ETAA1: variants seen among roughly 807,000 people sequenced by gnomAD.
ETAA1 encodes ewing's tumor-associated antigen 1.
A neutral mutation model predicts 76.8 loss-of-function variants in ETAA1; 49 were observed. The observed-to-expected ratio is 0.64, with a 90% confidence interval of 0.51 to 0.81. The LOEUF (loss-of-function observed/expected upper bound fraction) is 0.81. ETAA1 is among the 30% of genes least tolerant of loss of function. The pLI is 0.00. For missense variants in ETAA1, 1,099 were observed against 1,074.0 expected (o/e 1.02, Z -0.32); for synonymous variants, 373 against 372.2 (o/e 1.00, Z -0.03).
At chr2:67,400,906 G>A (rs1231731660) in intron 3 of ETAA1, 2 of 152,112 alleles carry the variant, frequency 1.3e-5, no homozygotes, top group Admixed American at 1.3e-4. Context: ...TTTTTAGCAT[G>A]TCATAGAAAT....
intron 3 of ETAA1, 26 bp from the exon 4 acceptor site, chr2:67,402,836 C>CTTAAA: frequency 1.3e-6 from 2 of 1,514,692 alleles, no homozygotes; most frequent in Non-Finnish European, 1.8e-6. Flanking sequence ...GTACTTTATA[C>CTTAAA]CTCTTTTTTT....
At chr2:67,400,628 T>C (rs1258583088) in intron 3 of ETAA1, 3 of 152,206 alleles carry the variant, frequency 2.0e-5, no homozygotes, top group Admixed American at 2.0e-4. Context: ...TTGTTCTCTT[T>C]TTCTTATTTA....
rs1676151945 is a variant in ETAA1 at position 67,404,639 on chromosome 2, C to G, written c.1957C>G (p.Gln653Glu). 2 of 1,612,652 alleles carry G rather than the reference C, an allele frequency of 1.2e-6. No individual in the cohort carries two copies. The highest frequency in any genetic ancestry group is 2.2e-5 in the East Asian group (1 of 44,804). Residue 653 changes from glutamine (Q) to glutamate (E), a missense_variant, in exon 5 of 6, where the codon CAA becomes GAA. Physicochemically the swap from Gln to Glu is conservative, Grantham distance 29. Around this residue, in one of 3 missense-constraint regions of ETAA1, gnomAD observed 36 missense variants for 64.0 expected, o/e 0.56. Transcript: ENST00000272342. Reference sequence around the variant, plus strand: ...ACATGGAGCCAAACTAACTCAGCAACAAGACATTAGAAAGGACAGTAAGAC... The same window carrying G: ...ACATGGAGCCAAACTAACTCAGCAAGAAGACATTAGAAAGGACAGTAAGAC... ...SEHGAKLTQQ[Q>E]DIRKDSKTSE...
Position 67,404,495 on chromosome 2 carries a change from G to A in ETAA1, c.1813G>A (p.Val605Ile). Residue 605 changes from valine to isoleucine, a missense_variant, in exon 5 of 6, where the codon GTA becomes ATA. Physicochemically the swap from Val to Ile is conservative, Grantham distance 29. This residue lies in a region of ETAA1 where 761 missense variants were observed against 731.9 expected (regional missense o/e 1.04). Coordinates refer to ENST00000272342, the MANE Select transcript of ETAA1 (RefSeq NM_019002.4). Reference protein sequence around the residue: ...QLDNTWEADDVDDDLLYQACD... With the variant: ...QLDNTWEADDIDDDLLYQACD... ...AGATAATACCTGGGAAGCAGATGAT[G>A]TAGATGATGATTTGTTGTACCAAGC... 4 of 1,613,310 alleles carry A rather than the reference G, an allele frequency of 2.5e-6. No individual in the cohort carries two copies. Among genetic ancestry groups the A allele is most frequent in the Non-Finnish European group, 2.5e-6 (3 of 1,179,536 alleles).
chr2:67,398,684 C>T (rs982769399), intron 1 of ETAA1, among the ~76,000 whole-genome samples: 2 of 152,078 alleles, frequency 1.3e-5, no homozygotes, highest in African/African-American at 2.4e-5. Context: ...GAACAAAAAT[C>T]TTTATAAAAA....
chr2:67,404,736 A>G lies in ETAA1; in HGVS notation c.2054A>G (p.Gln685Arg), dbSNP rs375017735. Residue 685 changes from glutamine (Q) to arginine (R), a missense_variant, in exon 5 of 6, where the codon CAA (glutamine) becomes CGA (arginine). Transcript: ENST00000272342. ...AAAAACATGTTTGCTATATCTAAACAAGGAAGTAATTTGGTACAATCAAAG... is the reference window on the plus strand; with the variant it reads ...AAAAACATGTTTGCTATATCTAAACGAGGAAGTAATTTGGTACAATCAAAG... ...GAKNMFAISK[Q>R]GSNLVQSKHL... 1.1e-5 allele frequency: 18 copies of G among 1,613,342 alleles called. No individual in the cohort carries two copies. In the African/African-American group the frequency reaches 2.0e-4, roughly 18 times the overall value.
Position 67,412,039 on chromosome 2 carries a change from A to G in ETAA1, c.*2001A>G, listed in dbSNP as rs1381240721. The G allele has an allele frequency of 2.0e-5, 3 of 151,896 alleles. No individual in the cohort carries two copies. The highest frequency in any genetic ancestry group is 4.4e-5 in the Non-Finnish European group (3 of 67,982). The allele number at this position is 151,896 out of a possible 1,614,324, so 9.4% of individuals were successfully genotyped here. On this transcript the variant is annotated 3_prime_UTR_variant, in exon 6 of 6. Transcript: ENST00000272342. ...GCTTCTCTCTGATCATAATGGTACT[A>G]ATTATTGTGTCTTTCATTGAGCAAT...
At chr2:67,399,406 T>G in intron 2 of ETAA1, 109 bp downstream of exon 2, 1 of 1,166,168 alleles carries the variant, frequency 8.6e-7, no homozygotes, top group Non-Finnish European at 1.2e-6. Context: ...GAATGTTATA[T>G]GATTTTATCT....
At chr2:67,398,083 C>T (rs1384811981) in intron 1 of ETAA1, among the ~76,000 whole-genome samples, 1 of 152,042 alleles carries the variant, frequency 6.6e-6, no homozygotes, top group Non-Finnish European at 1.5e-5. Flanking sequence ...GAGAAGAGTT[C>T]ATAGGAAAAG....
At chr2:67,408,322 G>T (rs1676273503) in intron 5 of ETAA1, among the ~76,000 whole-genome samples, 2 of 152,070 alleles carry the variant, frequency 1.3e-5, no homozygotes, top group South Asian at 2.1e-4. Flanking sequence ...ATTTTAAATG[G>T]TTGGAAAAAA....
chr2:67,397,676 G>C lies in ETAA1; in HGVS notation c.223+5G>C. ...GCAGTAAAAGTAACCCCGAGGGTGA[G>C]ACGTCGGCAGCGCGGCCTGCCTTGG... On this transcript the variant is annotated splice_donor_5th_base_variant and intron_variant, in intron 1 of 5. Coordinates refer to ENST00000272342, the MANE Select transcript of ETAA1 (RefSeq NM_019002.4). The C allele has an allele frequency of 6.5e-7, 1 of 1,545,280 alleles. No homozygotes were observed. The highest frequency in any genetic ancestry group is 8.7e-7 in the Non-Finnish European group (1 of 1,146,480).
rs762197207 is a variant in ETAA1, at chr2:67,404,186, A to G, written c.1504A>G (p.Asn502Asp). The G allele has an allele frequency of 2.5e-6, 4 of 1,609,212 alleles. No individual in the cohort carries two copies. Among genetic ancestry groups the G allele is most frequent in the East Asian group, 4.5e-5 (2 of 44,742 alleles). Reference protein sequence around the residue: ...DEIQNCIVTSNLTKIKEDILT... With the variant: ...DEIQNCIVTSDLTKIKEDILT... ...AATTCAAAATTGTATAGTTACATCT[A>G]ATCTGACAAAAATAAAGGAAGATAT... The change falls in exon 5 of 6, where the codon AAT becomes GAT. Residue 502 changes from asparagine (N) to aspartate (D), a missense_variant. Coordinates refer to ENST00000272342, the MANE Select transcript of ETAA1 (RefSeq NM_019002.4).
At position 67,403,845 on chromosome 2, in the gene ETAA1, G is replaced by C. The variant is rs374866477; in HGVS notation, c.1163G>C (p.Gly388Ala). 6.2e-7 allele frequency: 1 copy of C among 1,613,112 alleles called. No homozygotes were observed. The change falls in exon 5 of 6, where the codon GGT (glycine) becomes GCT (alanine). Residue 388 changes from glycine to alanine, a missense_variant. Physicochemically the swap from Gly to Ala is moderately conservative, Grantham distance 60. This residue lies in a region of ETAA1 where 761 missense variants were observed against 731.9 expected (regional missense o/e 1.04). Transcript: ENST00000272342. ...GAGGATGATTGGGAAAACTTACTAG[G>C]TAGTGAACCTTTTGCTATGCAAAAT... Reference protein sequence around the residue: ...DFEDDWENLLGSEPFAMQNID... With the variant: ...DFEDDWENLLASEPFAMQNID...
rs1676135070 is a variant in ETAA1 at position 67,404,095 on chromosome 2, C to G, written c.1413C>G (p.Asn471Lys). 1 of 1,592,554 alleles carries G rather than the reference C, an allele frequency of 6.3e-7. No homozygotes were observed. Among genetic ancestry groups the G allele is most frequent in the African/African-American group, 1.4e-5 (1 of 73,322 alleles). Residue 471 changes from asparagine to lysine, a missense_variant, in exon 5 of 6, where the codon AAC becomes AAG. Asn to Lys is a moderately conservative substitution (Grantham distance 94). Around this residue, in one of 3 missense-constraint regions of ETAA1, gnomAD observed 761 missense variants for 731.9 expected, o/e 1.04. Transcript: ENST00000272342. ...TTTCACCAAATTCAAATAAATCAAA[C>G]AAATTATCCACTGGAAATAAAATGA... ...YRFSPNSNKS[N>K]KLSTGNKMKF...
intron 1 of ETAA1, among the ~76,000 whole-genome samples, chr2:67,398,306 CTTTTTTTTTTTT>C (rs57636211): frequency 2.3e-5 from 2 of 85,408 alleles, no homozygotes. Context: ...TGAAATAGTG[CTTTTTTTTTTTT>C]TTTTTTTTTT....
rs1339069851 is a variant in ETAA1, at chr2:67,404,565, A to G, written c.1883A>G (p.Lys628Arg). The G allele has an allele frequency of 2.5e-6, 4 of 1,613,516 alleles. No homozygotes were observed. The highest frequency in any genetic ancestry group is 2.5e-6 in the Non-Finnish European group (3 of 1,179,576). Residue 628 changes from lysine to arginine, a missense_variant, in exon 5 of 6, where the codon AAG becomes AGG. Physicochemically the swap from Lys to Arg is conservative, Grantham distance 26. This residue lies in a region of ETAA1 where 36 missense variants were observed against 64.0 expected (regional missense o/e 0.56). Transcript: ENST00000272342. ...CTAACTCAGCAACAAGACATTAGAAAGGACAGTAAGACATCAGAAAGTATA... is the reference window on the plus strand; with the variant it reads ...CTAACTCAGCAACAAGACATTAGAAGGGACAGTAAGACATCAGAAAGTATA... ...ERLTQQQDIR[K>R]DSKTSESICE...
intron 5 of ETAA1, among the ~76,000 whole-genome samples, chr2:67,405,582 C>CATAT (rs1676194575): frequency 6.6e-6 from 1 of 151,894 alleles, no homozygotes; most frequent in Non-Finnish European, 1.5e-5. Flanking sequence ...CAATGACTGG[C>CATAT]ATATAGTAGG....
intron 3 of ETAA1, chr2:67,401,474 T>C (rs1036918358): frequency 3.3e-5 from 5 of 151,964 alleles, no homozygotes; most frequent in Non-Finnish European, 5.9e-5. Flanking sequence ...TCTTCATTTA[T>C]ACAGCTTTGC....
chr2:67,401,686 T>G (rs1359788932), intron 3 of ETAA1: 1 of 151,940 alleles, frequency 6.6e-6, no homozygotes, highest in Admixed American at 6.6e-5. Context: ...CTCTGAAAAT[T>G]GAATGAATTT....
Sources: allele counts gnomAD v4.1 joint callset (sites outside exome capture counted in the v4.1 genomes callset), GRCh38; gene constraint gnomAD v4.1.1; regional missense constraint gnomAD v4.1.1; transcripts MANE v1.5; gene names NCBI Gene and HGNC (gene_info 2026-07-23, HGNC 2026-07-21).